The following RERG variants were observed in gnomAD, a reference collection of about 807,000 sequenced individuals.
RERG encodes RAS like estrogen regulated growth inhibitor.
RERG carries 25 observed loss-of-function variants against 23.2 expected under a neutral mutation model. The ratio of observed to expected loss-of-function variants is 1.08; its 90% CI spans 0.79 to 1.50. The LOEUF (loss-of-function observed/expected upper bound fraction) is 1.50, where lower values mean the gene tolerates loss of function less well. Among genes scored for constraint, RERG ranks in the 40% most tolerant of loss-of-function variants. The pLI, the probability that RERG is intolerant of heterozygous loss-of-function variation, is 0.00. For missense variants in RERG, 253 were observed against 250.1 expected (o/e 1.01, Z -0.08); for synonymous variants, 81 against 89.1 (o/e 0.91, Z 0.51).
chr12:15,132,288 A>G (rs1276096848), intron 2 of RERG, among the ~76,000 whole-genome samples: 1 of 152,160 alleles, frequency 6.6e-6, no homozygotes, highest in Non-Finnish European at 1.5e-5. Flanking sequence ...AATAATTGGA[A>G]ATATACAGTA....
chr12:15,218,357 A>T (rs1865471037), intron 1 of RERG, among the ~76,000 whole-genome samples: 1 of 152,126 alleles, frequency 6.6e-6, no homozygotes, highest in East Asian at 1.9e-4. Flanking sequence ...TTTAGGAGTG[A>T]CATCTAGGTT....
intron 2 of RERG, among the ~76,000 whole-genome samples, chr12:15,209,864 T>A (rs1352611558): frequency 1.3e-5 from 2 of 152,236 alleles, no homozygotes; most frequent in African/African-American, 4.8e-5. Context: ...AATGCTAGAC[T>A]TGGCTCTAGC....
At chr12:15,198,081 T>A (rs974441608) in intron 2 of RERG, among the ~76,000 whole-genome samples, 4 of 152,162 alleles carry the variant, frequency 2.6e-5, no homozygotes, top group Admixed American at 2.6e-4. Flanking sequence ...CACTCTACGC[T>A]TGATGCATTG....
rs116491722 is a variant in RERG at position 15,178,642 on chromosome 12, C to T, written c.61+38787G>A. ...TCTCAATTTCCTCATCTGTAAAATA[C>T]GGATAATAAAACCTGTTGGCAGGAC... On this transcript the variant is annotated intron_variant, in intron 2 of 4. Coordinates refer to ENST00000256953, the MANE Select transcript of RERG (RefSeq NM_032918.3). Among the ~76,000 whole-genome samples, 365 of 152,166 alleles carry T rather than the reference C, an allele frequency of 2.4e-3. 2 individuals carry two copies. The highest frequency in any genetic ancestry group is 8.2e-3 in the African/African-American group (340 of 41,530).
intron 2 of RERG, among the ~76,000 whole-genome samples, chr12:15,213,057 T>C (rs985450625): frequency 2.0e-5 from 3 of 152,242 alleles, no homozygotes; most frequent in Non-Finnish European, 2.9e-5. Flanking sequence ...TAAGCCTTCA[T>C]GGATGAGTGC....
chr12:15,126,301 T>A (rs1246805311), intron 2 of RERG, among the ~76,000 whole-genome samples: 1 of 151,808 alleles, frequency 6.6e-6, no homozygotes, highest in Non-Finnish European at 1.5e-5. Context: ...AATCTGATAT[T>A]TTAGACATAA....
chr12:15,219,679 T>C (rs1463041311), intron 1 of RERG, among the ~76,000 whole-genome samples: 1 of 152,236 alleles, frequency 6.6e-6, no homozygotes, highest in Non-Finnish European at 1.5e-5. Flanking sequence ...GAAGAGGTGC[T>C]GGCAAGTATT....
intron 2 of RERG, among the ~76,000 whole-genome samples, chr12:15,161,116 CAG>C (rs1200606590): frequency 7.5e-6 from 1 of 132,620 alleles, no homozygotes; most frequent in Admixed American, 8.2e-5. Context: ...GCCTAGGCAA[CAG>C]AGTGAGACTC....
intron 2 of RERG, among the ~76,000 whole-genome samples, chr12:15,186,269 G>A (rs530449065): frequency 6.6e-6 from 1 of 151,732 alleles, no homozygotes; most frequent in South Asian, 2.1e-4. Flanking sequence ...GTAGCATGAT[G>A]ACATCAGGAA....
chr12:15,185,887 T>C (rs932153343), intron 2 of RERG, among the ~76,000 whole-genome samples: 8 of 151,482 alleles, frequency 5.3e-5, no homozygotes, highest in Middle Eastern at 3.4e-3. Context: ...TAAGACTGAT[T>C]AGAAAAAAGA....
intron 2 of RERG, among the ~76,000 whole-genome samples, chr12:15,194,471 T>TA (rs1395353038): frequency 6.8e-6 from 1 of 147,922 alleles, no homozygotes; most frequent in Non-Finnish European, 1.5e-5. Context: ...GTTTTTAACT[T>TA]AAAAAACAAA....
chr12:15,170,267 T>C lies in RERG; in HGVS notation c.61+47162A>G, dbSNP rs143225357. On this transcript the variant is annotated intron_variant, in intron 2 of 4. Transcript: ENST00000256953. ...GGACTTGGGTGATAATGATGTGCACTGTAGGTTCATAAATAATTGTAAGAT... is the reference window on the plus strand; with the variant it reads ...GGACTTGGGTGATAATGATGTGCACCGTAGGTTCATAAATAATTGTAAGAT... Among the ~76,000 whole-genome samples the C allele has an allele frequency of 1.4e-3, 212 of 152,136 alleles. 5 individuals carry two copies. The highest frequency in any genetic ancestry group is 5.0e-3 in the African/African-American group (207 of 41,494).
At chr12:15,176,242 G>C (rs1256131978) in intron 2 of RERG, among the ~76,000 whole-genome samples, 1 of 152,024 alleles carries the variant, frequency 6.6e-6, no homozygotes, top group Non-Finnish European at 1.5e-5. Context: ...ATTTTCAACT[G>C]TTTTATTTAG....
intron 2 of RERG, among the ~76,000 whole-genome samples, chr12:15,175,025 T>TA (rs1272875300): frequency 6.6e-6 from 1 of 152,158 alleles, no homozygotes; most frequent in African/African-American, 2.4e-5. Flanking sequence ...CTTGCTTTTT[T>TA]ATGTGTCTCA....
intron 2 of RERG, among the ~76,000 whole-genome samples, chr12:15,174,529 G>A (rs559674584): frequency 1.8e-4 from 27 of 150,974 alleles, no homozygotes; most frequent in African/African-American, 5.9e-4. Context: ...AACTTAGGCA[G>A]TTTTGGGCCA....
At chr12:15,175,623 T>A (rs970627745) in intron 2 of RERG, among the ~76,000 whole-genome samples, 1 of 152,068 alleles carries the variant, frequency 6.6e-6, no homozygotes, top group Non-Finnish European at 1.5e-5. Flanking sequence ...ACGTTTTAAG[T>A]TTCTGGCCAG....
intron 3 of RERG, among the ~76,000 whole-genome samples, chr12:15,119,038 A>C (rs55665858): frequency 0.021 from 2,556 of 124,344 alleles, 65 homozygotes; most frequent in African/African-American, 0.072. Context: ...ATGCTGGAAC[A>C]AAAGTGACCT....
At chr12:15,135,997 A>G (rs560071265) in intron 2 of RERG, among the ~76,000 whole-genome samples, 43 of 152,234 alleles carry the variant, frequency 2.8e-4, no homozygotes, top group African/African-American at 9.6e-4. Flanking sequence ...CTTAAATGAT[A>G]GAACTCACTA....
intron 2 of RERG, among the ~76,000 whole-genome samples, chr12:15,156,185 T>C (rs984585077): frequency 6.6e-6 from 1 of 152,170 alleles, no homozygotes; most frequent in Non-Finnish European, 1.5e-5. Flanking sequence ...CAACAACTGA[T>C]ACGAATGGAA....
Sources: gnomAD v4.1 joint callset for allele counts (sites outside exome capture counted in the v4.1 genomes callset) on GRCh38, gnomAD v4.1.1 for gene constraint, MANE v1.5 for transcripts, NCBI Gene and HGNC (gene_info 2026-07-23, HGNC 2026-07-21) for gene names.